Variants in GATB observed in about 807,000 individuals in gnomAD.
GATB encodes glutamyl-tRNA amidotransferase subunit B, also known as glutamyl-tRNA(Gln) amidotransferase subunit B, mitochondrial.
Under a neutral mutation model 62.3 loss-of-function variants are expected in GATB, and 39 were observed. That is an observed-to-expected ratio of 0.63 (90% CI 0.48 to 0.82). The LOEUF is 0.82. Among genes scored for constraint, GATB ranks in the 40% least tolerant of loss-of-function variants. GATB has a pLI of 0.00. For synonymous variants in GATB, 276 were observed against 258.9 expected, an observed-to-expected ratio of 1.07 and a Z score of -0.63; for missense variants, 670 against 684.0, an observed-to-expected ratio of 0.98 and a Z score of 0.23.
intron 1 of GATB, among the ~76,000 whole-genome samples, 191 bp from the exon 2 acceptor site, chr4:151,759,113 C>T (rs763908947): frequency 1.3e-5 from 2 of 152,132 alleles, no homozygotes; most frequent in Non-Finnish European, 2.9e-5. Context: ...AGCGCCTACA[C>T]TGAGATTGGC....
At chr4:151,691,206 C>T (rs1020322449) in intron 9 of GATB, among the ~76,000 whole-genome samples, 34 of 152,082 alleles carry the variant, frequency 2.2e-4, no homozygotes. Flanking sequence ...CTTTAATGTC[C>T]TCCTCAAAAG....
At chr4:151,734,746 G>A (rs145467969) in intron 2 of GATB, among the ~76,000 whole-genome samples, 606 of 152,252 alleles carry the variant, frequency 4.0e-3, no homozygotes, top group Admixed American at 6.7e-3. Context: ...ATAGACCAAT[G>A]GAACAGAATA....
chr4:151,688,288 C>A (rs763549203), intron 10 of GATB, among the ~76,000 whole-genome samples: 1 of 152,134 alleles, frequency 6.6e-6, no homozygotes, highest in Admixed American at 6.5e-5. Flanking sequence ...CCCAGCACCC[C>A]GTGCATGCTT....
rs149796717 is a variant in GATB, at chr4:151,701,366, T to C, written c.1160A>G (p.Gln387Arg). ...PSVTREKLVQ[Q>R]YGMLLEHSFT... ...GCTGTGTTCCAGCAGCATCCCATACTGTTGGACAAGCTTCTCTCGGGTCAC... is the reference window on the plus strand; with the variant it reads ...GCTGTGTTCCAGCAGCATCCCATACCGTTGGACAAGCTTCTCTCGGGTCAC... Residue 387 changes from glutamine to arginine, a missense_variant, in exon 9 of 13, where the codon CAG becomes CGG. By Grantham distance (43) the Gln-to-Arg change is conservative. Transcript: ENST00000263985. 1 of 1,589,314 alleles carries C rather than the reference T, an allele frequency of 6.3e-7. No homozygotes were observed.
intron 2 of GATB, among the ~76,000 whole-genome samples, chr4:151,757,175 A>G (rs1269968542): frequency 6.6e-6 from 1 of 152,214 alleles, no homozygotes; most frequent in Non-Finnish European, 1.5e-5. Context: ...CCATAGATAG[A>G]TCTCTAAGTC....
At chr4:151,750,865 C>T (rs1440868555) in intron 2 of GATB, among the ~76,000 whole-genome samples, 2 of 151,400 alleles carry the variant, frequency 1.3e-5, no homozygotes, top group Admixed American at 1.3e-4. Context: ...AACTCCTGGG[C>T]TCAAGCCATC....
chr4:151,714,380 G>GA (rs1255650083), intron 5 of GATB, among the ~76,000 whole-genome samples: 6 of 152,244 alleles, frequency 3.9e-5, no homozygotes, highest in African/African-American at 1.4e-4. Context: ...ATGAGCAAAG[G>GA]AGAGGGGGCT....
chr4:151,725,624 T>C (rs1739123361), intron 2 of GATB, among the ~76,000 whole-genome samples: 1 of 152,158 alleles, frequency 6.6e-6, no homozygotes, highest in Non-Finnish European at 1.5e-5. Flanking sequence ...TAAATCTACA[T>C]TAAATACCAG....
At chr4:151,692,855 C>T (rs1040169835) in intron 9 of GATB, among the ~76,000 whole-genome samples, 5 of 152,192 alleles carry the variant, frequency 3.3e-5, no homozygotes, top group Non-Finnish European at 5.9e-5. Flanking sequence ...AGGGTAAGTC[C>T]TACCTAATTG....
chr4:151,754,787 T>C (rs1739791346), intron 2 of GATB, among the ~76,000 whole-genome samples: 1 of 152,244 alleles, frequency 6.6e-6, no homozygotes, highest in Admixed American at 6.5e-5. Context: ...GAAATAATTT[T>C]ATCCATATAC....
intron 8 of GATB, chr4:151,703,121 G>A (rs573152689): frequency 6.6e-6 from 1 of 152,342 alleles, no homozygotes; most frequent in African/African-American, 2.4e-5. Context: ...TTTGACTCTA[G>A]CAGACAGACA....
At chr4:151,725,966 T>C (rs1490394975) in intron 2 of GATB, among the ~76,000 whole-genome samples, 1 of 152,176 alleles carries the variant, frequency 6.6e-6, no homozygotes, top group Non-Finnish European at 1.5e-5. Context: ...TGAGGTGACA[T>C]GGCAAGACTA....
intron 10 of GATB, among the ~76,000 whole-genome samples, chr4:151,687,380 GAA>G (rs1293370208): frequency 1.3e-5 from 2 of 152,170 alleles, no homozygotes; most frequent in East Asian, 1.9e-4. Flanking sequence ...CTCCTACATT[GAA>G]AAAGTCTGCC....
chr4:151,742,249 C>T (rs1055130732), intron 2 of GATB, among the ~76,000 whole-genome samples: 14 of 152,226 alleles, frequency 9.2e-5, no homozygotes, highest in African/African-American at 2.4e-4. Flanking sequence ...CCATCGCACC[C>T]GGCTAATTTC....
chr4:151,759,646 G>A (rs1169074087), intron 1 of GATB, among the ~76,000 whole-genome samples: 2 of 152,102 alleles, frequency 1.3e-5, no homozygotes, highest in Admixed American at 1.3e-4. Context: ...GCTGTTAAAT[G>A]CTATAATAAT....
chr4:151,673,146 C>T, intron 11 of GATB: 1 of 427,658 alleles, frequency 2.3e-6, no homozygotes, highest in Non-Finnish European at 4.2e-6. Flanking sequence ...CCTGGGGTCT[C>T]CTCCTGAGGC....
chr4:151,718,774 T>C (rs886807513), intron 3 of GATB, among the ~76,000 whole-genome samples: 1 of 152,226 alleles, frequency 6.6e-6, no homozygotes, highest in Admixed American at 6.5e-5. Flanking sequence ...TTCAGTTTTG[T>C]TCCTGTTCAA....
intron 9 of GATB, among the ~76,000 whole-genome samples, chr4:151,697,699 C>T (rs1265071702): frequency 6.7e-6 from 1 of 148,296 alleles, no homozygotes; most frequent in Non-Finnish European, 1.5e-5. Flanking sequence ...GCTAACATTG[C>T]TTCTCTAGCT....
intron 3 of GATB, 166 bp from the exon 4 acceptor site, chr4:151,717,240 CATT>C (rs557805750): frequency 8.7e-4 from 555 of 635,142 alleles, no homozygotes; most frequent in Non-Finnish European, 1.4e-3. Flanking sequence ...TTGCAGCCAT[CATT>C]GAGCCTGGTC....
Sources: gnomAD v4.1 joint callset for allele counts (sites outside exome capture counted in the v4.1 genomes callset) on GRCh38, gnomAD v4.1.1 for gene constraint, MANE v1.5 for transcripts, NCBI Gene and HGNC (gene_info 2026-07-23, HGNC 2026-07-21) for gene names.